TCHHL1: variants seen among roughly 807,000 people sequenced by gnomAD.
TCHHL1 encodes trichohyalin like 1, also known as trichohyalin-like protein 1.
TCHHL1 carries 1 observed loss-of-function variant against 3.5 expected under a neutral mutation model. The ratio of observed to expected loss-of-function variants is 0.29; its 90% CI spans 0.10 to 1.36. The LOEUF (loss-of-function observed/expected upper bound fraction) is 1.36, where lower values mean the gene tolerates loss of function less well. Ranked by LOEUF, TCHHL1 falls within the 40% of genes most tolerant of loss-of-function variation. The pLI is 0.43. For synonymous variants in TCHHL1, 405 were observed against 375.3 expected (o/e 1.08, Z -0.92); for missense variants, 1,027 against 1,032.8 (o/e 0.99, Z 0.08).
chr1:152,087,308 G>T lies in TCHHL1; in HGVS notation c.374C>A (p.Thr125Asn). The change falls in exon 3 of 3, where the codon ACT (threonine) becomes AAT (asparagine). Residue 125 changes from threonine (T) to asparagine (N), a missense_variant. By Grantham distance (65) the Thr-to-Asn change is moderately conservative (BLOSUM62 0). Coordinates refer to ENST00000368806, the MANE Select transcript of TCHHL1 (RefSeq NM_001008536.2). ...CATCCTCTTTTCTTGAGTTGGTGAA[G>T]TTCCCACTGTCCACTGACCATCTCC... Reference protein sequence around the residue: ...TTGDGQWTVGTSPTQEKRMLP... With the variant: ...TTGDGQWTVGNSPTQEKRMLP... 6.2e-7 allele frequency: 1 copy of T among 1,613,928 alleles called. No individual in the cohort carries two copies. The highest frequency in any genetic ancestry group is 8.5e-7 in the Non-Finnish European group (1 of 1,179,978).
rs1657681318 is a variant in TCHHL1 at position 152,084,639 on chromosome 1, A to G, written c.*328T>C. Reference sequence around the variant, plus strand: ...TTCCTACTGCTCTATTTTAAATTCAATGAATCAGTTGGAAAAACTGGCACC... The same window carrying G: ...TTCCTACTGCTCTATTTTAAATTCAGTGAATCAGTTGGAAAAACTGGCACC... On this transcript the variant is annotated 3_prime_UTR_variant, in exon 3 of 3. Coordinates refer to ENST00000368806, the MANE Select transcript of TCHHL1 (RefSeq NM_001008536.2). 1 of 227,480 alleles carries G rather than the reference A, an allele frequency of 4.4e-6. No homozygotes were observed. The allele number at this position is 227,480 out of a possible 1,614,324, so 14.1% of individuals were successfully genotyped here.
chr1:152,086,101 C>T lies in TCHHL1; in HGVS notation c.1581G>A (p.Glu527=). ...TKTHDQPVEE[E]DGYQGEDPES... Reference sequence around the variant, plus strand: ...CAGGGTCCTCCCCCTGGTAACCATCCTCCTCCTCAACTGGTTGGTCATGAG... The same window carrying T: ...CAGGGTCCTCCCCCTGGTAACCATCTTCCTCCTCAACTGGTTGGTCATGAG... Residue 527 remains glutamate, a synonymous_variant, in exon 3 of 3, where the codon GAG becomes GAA. Coordinates refer to ENST00000368806, the MANE Select transcript of TCHHL1 (RefSeq NM_001008536.2). 6.2e-7 allele frequency: 1 copy of T among 1,614,158 alleles called. No individual in the cohort carries two copies. The highest frequency in any genetic ancestry group is 8.5e-7 in the Non-Finnish European group (1 of 1,180,030).
At position 152,086,023 on chromosome 1, in the gene TCHHL1, C is replaced by T; in HGVS notation, c.1659G>A (p.Leu553=). The change falls in exon 3 of 3, where the codon CTG becomes CTA. Residue 553 remains leucine, a synonymous_variant. Coordinates refer to ENST00000368806, the MANE Select transcript of TCHHL1 (RefSeq NM_001008536.2). Reference sequence around the variant, plus strand: ...AGCTGCTATTGCCTTCCTCTGAAGCCAGGCTGTTGGGAGTTTCAGAAGACC... The same window carrying T: ...AGCTGCTATTGCCTTCCTCTGAAGCTAGGCTGTTGGGAGTTTCAGAAGACC... The part of the protein sequence containing the change: ...DEGSSETPNS[L]ASEEGNSSSE... The T allele has an allele frequency of 2.5e-6, 4 of 1,614,196 alleles. No homozygotes were observed. The South Asian group carries it at 4.4e-5, about 18-fold the overall frequency.
chr1:152,086,611 G>T lies in TCHHL1; in HGVS notation c.1071C>A (p.Gly357=), dbSNP rs1360670397. 5.0e-6 allele frequency: 8 copies of T among 1,614,048 alleles called. No homozygotes were observed. The highest frequency in any genetic ancestry group is 6.8e-6 in the Non-Finnish European group (8 of 1,180,010). ...CTTTTTCTTGGGTCTCAGATGTTCT[G>T]CCATAATCCTCAGGTTCACCCAAAT... ...TKNLGEPEDY[G]RTSETQEKEC... is the part of the protein sequence containing the mutation. The change falls in exon 3 of 3, where the codon GGC becomes GGA. Residue 357 remains glycine (G), a synonymous_variant. Transcript: ENST00000368806.
Position 152,085,779 on chromosome 1 carries a change from TC to T in TCHHL1, c.1902del (p.Asn635IlefsTer36), listed in dbSNP as rs1234875471. On this transcript the variant is annotated frameshift_variant, in exon 3 of 3. Coordinates refer to ENST00000368806, the MANE Select transcript of TCHHL1 (RefSeq NM_001008536.2). LOFTEE classifies it low-confidence loss of function (END_TRUNC). Reference sequence around the variant, plus strand: ...GGGCCTTTGGTCCCTGGGCCTTGATTCTTGTGTTCTCCTCTGGCAGGCTGTT... The same window carrying T: ...GGGCCTTTGGTCCCTGGGCCTTGATTTTGTGTTCTCCTCTGGCAGGCTGTT... ...DQEQPARGEH[K>X]NQGPGTKGPG... 6.2e-7 allele frequency: 1 copy of T among 1,614,072 alleles called. No individual in the cohort carries two copies. Among genetic ancestry groups the T allele is most frequent in the Admixed American group, 1.7e-5 (1 of 60,010 alleles).
In TCHHL1 at chr1:152,087,154, A is replaced by G. The variant is rs748283072; in HGVS notation, c.528T>C (p.Asn176=). 1.1e-5 allele frequency: 18 copies of G among 1,614,002 alleles called. No individual in the cohort carries two copies. Among genetic ancestry groups the G allele is most frequent in the Non-Finnish European group, 1.4e-5 (16 of 1,180,032 alleles). The change falls in exon 3 of 3, where the codon AAT becomes AAC. Residue 176 remains asparagine (N), a synonymous_variant. Coordinates refer to ENST00000368806, the MANE Select transcript of TCHHL1 (RefSeq NM_001008536.2). The part of the protein sequence containing the change: ...HNFPGEASEH[N]DPKNKHLEGD... ...CTTCCAGGTGTTTGTTCTTAGGATC[A>G]TTGTGTTCAGATGCTTCTCCTGGAA... is the stretch of plus-strand genomic sequence containing the variant.
At position 152,085,667 on chromosome 1, in the gene TCHHL1, A is replaced by G; in HGVS notation, c.2015T>C (p.Ile672Thr). The part of the protein sequence containing the change: ...DENRKSLEIE[I>T]TGALDEDFTD... ...GAAGTCTTCATCCAGGGCACCTGTG[A>G]TCTCTATTTCCAGGGACTTTCTATT... Residue 672 changes from isoleucine (I) to threonine (T), a missense_variant, in exon 3 of 3, where the codon ATC (isoleucine) becomes ACC (threonine). By Grantham distance (89) the Ile-to-Thr change is moderately conservative. Around this residue, in one of 3 missense-constraint regions of TCHHL1, gnomAD observed 673 missense variants for 658.6 expected, o/e 1.02. Transcript: ENST00000368806. 6.2e-7 allele frequency: 1 copy of G among 1,614,040 alleles called. No individual in the cohort carries two copies. Among genetic ancestry groups the G allele is most frequent in the Non-Finnish European group, 8.5e-7 (1 of 1,180,010 alleles).
chr1:152,086,021 G>A lies in TCHHL1; in HGVS notation c.1661C>T (p.Ala554Val). 1 of 1,614,190 alleles carries A rather than the reference G, an allele frequency of 6.2e-7. No homozygotes were observed. The highest frequency in any genetic ancestry group is 8.5e-7 in the Non-Finnish European group (1 of 1,180,036). ...TGAGCTGCTATTGCCTTCCTCTGAAGCCAGGCTGTTGGGAGTTTCAGAAGA... is the reference window on the plus strand; with the variant it reads ...TGAGCTGCTATTGCCTTCCTCTGAAACCAGGCTGTTGGGAGTTTCAGAAGA... ...EGSSETPNSLASEEGNSSSET... is the reference protein window; with the variant it reads ...EGSSETPNSLVSEEGNSSSET... Residue 554 changes from alanine to valine, a missense_variant, in exon 3 of 3, where the codon GCT (alanine) becomes GTT (valine). Coordinates refer to ENST00000368806, the MANE Select transcript of TCHHL1 (RefSeq NM_001008536.2).
In TCHHL1 at chr1:152,087,413, G is replaced by T. The variant is rs867934698; in HGVS notation, c.269C>A (p.Ser90Ter). 2 of 1,612,112 alleles carry T rather than the reference G, an allele frequency of 1.2e-6. No individual in the cohort carries two copies. Among genetic ancestry groups the T allele is most frequent in the South Asian group, 2.2e-5 (2 of 91,064 alleles). The change falls in exon 3 of 3, where the codon TCA becomes TAA. Residue 90 changes from serine to a stop codon, truncating the protein, a stop_gained. Transcript: ENST00000368806. LOFTEE classifies it low-confidence loss of function (END_TRUNC). ...CTGTCTTAGTTCAGAACTTAGTAAT[G>T]ATTTTATGTCAAGATAACAGAGGTT... is the stretch of plus-strand genomic sequence containing the variant. ...LLNLCYLDIKSLLSSELRQVT... is the reference protein window; with the variant it reads ...LLNLCYLDIK
Position 152,086,318 on chromosome 1 carries a change from G to T in TCHHL1, c.1364C>A (p.Thr455Asn). ...QYLSSEGGDQ[T>N]HPELEGTAVS... is the part of the protein sequence containing the mutation. ...TGCTGTTCCTTCAAGTTCAGGGTGA[G>T]TCTGATCTCCTCCTTCTGAGCTTAG... is the stretch of plus-strand genomic sequence containing the variant. The change falls in exon 3 of 3, where the codon ACT becomes AAT. Residue 455 changes from threonine (T) to asparagine (N), a missense_variant. By Grantham distance (65) the Thr-to-Asn change is moderately conservative (BLOSUM62 0). Coordinates refer to ENST00000368806, the MANE Select transcript of TCHHL1 (RefSeq NM_001008536.2). 6.2e-7 allele frequency: 1 copy of T among 1,614,148 alleles called. No individual in the cohort carries two copies.
In TCHHL1 at chr1:152,087,498, T is replaced by A. The variant is rs531643090; in HGVS notation, c.184A>T (p.Ile62Phe). 1 of 1,600,572 alleles carries A rather than the reference T, an allele frequency of 6.2e-7. No homozygotes were observed. Among genetic ancestry groups the A allele is most frequent in the East Asian group, 2.2e-5 (1 of 44,878 alleles). ...AAACTGATGATGCCATTACTGTCAA[T>A]ATTCAGAAGATTTGAATTTTTTTCC... ...AVEKNSNLLN[I>F]DSNGIISFDE... Residue 62 changes from isoleucine (I) to phenylalanine (F), a missense_variant, in exon 3 of 3, where the codon ATT (isoleucine) becomes TTT (phenylalanine). By Grantham distance (21) the Ile-to-Phe change is conservative. Around this residue, in one of 3 missense-constraint regions of TCHHL1, gnomAD observed 338 missense variants for 335.9 expected, o/e 1.01. Coordinates refer to ENST00000368806, the MANE Select transcript of TCHHL1 (RefSeq NM_001008536.2).
chr1:152,088,307 G>A, intron 1 of TCHHL1, 144 bp from the exon 2 acceptor site: 3 of 667,448 alleles, frequency 4.5e-6, no homozygotes, highest in South Asian at 4.3e-5. Flanking sequence ...CTGAACTCCA[G>A]GGGTGATTTA....
chr1:152,086,410 C>A lies in TCHHL1; in HGVS notation c.1272G>T (p.Gly424=). ...PLVLETQTQD[G]KYQELQGLSK... is the part of the protein sequence containing the mutation. ...ATAATCCTTGGAGTTCCTGATACTT[C>A]CCATCCTGTGTTTGGGTTTCCAGGA... Residue 424 remains glycine, a synonymous_variant, in exon 3 of 3, where the codon GGG becomes GGT. Coordinates refer to ENST00000368806, the MANE Select transcript of TCHHL1 (RefSeq NM_001008536.2). 6.2e-7 allele frequency: 1 copy of A among 1,614,122 alleles called. No homozygotes were observed. Among genetic ancestry groups the A allele is most frequent in the Non-Finnish European group, 8.5e-7 (1 of 1,180,002 alleles).
At position 152,086,252 on chromosome 1, in the gene TCHHL1, G is replaced by T; in HGVS notation, c.1430C>A (p.Ala477Glu). 1 of 1,614,184 alleles carries T rather than the reference G, an allele frequency of 6.2e-7. No individual in the cohort carries two copies. The highest frequency in any genetic ancestry group is 1.1e-5 in the South Asian group (1 of 91,080). The change falls in exon 3 of 3, where the codon GCA (alanine) becomes GAA (glutamate). Residue 477 changes from alanine (A) to glutamate (E), a missense_variant. By Grantham distance (107) the Ala-to-Glu change is moderately radical. This residue lies in a region of TCHHL1 where 673 missense variants were observed against 658.6 expected (regional missense o/e 1.02). Transcript: ENST00000368806. ...GTTTTTGCTGTTCACAAATGCTTCTGCTGTGCCTTCTTTGGTGTGTTCTGC... is the reference window on the plus strand; with the variant it reads ...GTTTTTGCTGTTCACAAATGCTTCTTCTGTGCCTTCTTTGGTGTGTTCTGC... ...EEAEHTKEGT[A>E]EAFVNSKNAP...
rs774597573 is a variant in TCHHL1, at chr1:152,085,677, C to G, written c.2005G>C (p.Glu669Gln). 34 of 1,614,052 alleles carry G rather than the reference C, an allele frequency of 2.1e-5. No homozygotes were observed. The East Asian group carries it at 6.9e-4, about 33-fold the overall frequency. Residue 669 changes from glutamate to glutamine, a missense_variant, in exon 3 of 3, where the codon GAA becomes CAA. Glu to Gln is a conservative substitution (Grantham distance 29, BLOSUM62 2). Around this residue, in one of 3 missense-constraint regions of TCHHL1, gnomAD observed 673 missense variants for 658.6 expected, o/e 1.02. Transcript: ENST00000368806. ...TCCAGGGCACCTGTGATCTCTATTT[C>G]CAGGGACTTTCTATTTTCATCTCCT... ...TAGDENRKSL[E>Q]IEITGALDED...
intron 1 of TCHHL1, among the ~76,000 whole-genome samples, chr1:152,088,374 G>C (rs1322736891): frequency 2.0e-5 from 3 of 152,156 alleles, no homozygotes; most frequent in African/African-American, 7.2e-5. Flanking sequence ...TATTAGAAGA[G>C]ACAATTCACC....
In TCHHL1 at chr1:152,085,628, G is replaced by A. The variant is rs868196788; in HGVS notation, c.2054C>T (p.Ser685Phe). 1 of 1,614,174 alleles carries A rather than the reference G, an allele frequency of 6.2e-7. No individual in the cohort carries two copies. Among genetic ancestry groups the A allele is most frequent in the South Asian group, 1.1e-5 (1 of 91,078 alleles). ...TCCCTTTCCAGGGAGCTGCATTAGG[G>A]AAAGCTGGTCAGTGAAGTCTTCATC... is the stretch of plus-strand genomic sequence containing the variant. ...ALDEDFTDQL[S>F]LMQLPGKGDS... is the part of the protein sequence containing the mutation. Residue 685 changes from serine (S) to phenylalanine (F), a missense_variant, in exon 3 of 3, where the codon TCC becomes TTC. Ser to Phe is a radical substitution (Grantham distance 155, BLOSUM62 -2). Coordinates refer to ENST00000368806, the MANE Select transcript of TCHHL1 (RefSeq NM_001008536.2).
At position 152,087,219 on chromosome 1, in the gene TCHHL1, T is replaced by C; in HGVS notation, c.463A>G (p.Asn155Asp). 6.2e-7 allele frequency: 1 copy of C among 1,614,146 alleles called. No individual in the cohort carries two copies. The highest frequency in any genetic ancestry group is 8.5e-7 in the Non-Finnish European group (1 of 1,179,982). ...GCTTCTCTCCATGGGTCCACTCTGT[T>C]ATTTCCAACTGCTCCACTTTCTTCA... is the stretch of plus-strand genomic sequence containing the variant. ...IPEESGAVGN[N>D]RVDPWREAKT... The change falls in exon 3 of 3, where the codon AAC becomes GAC. Residue 155 changes from asparagine (N) to aspartate (D), a missense_variant. Asn to Asp is a conservative substitution (Grantham distance 23, BLOSUM62 1). Coordinates refer to ENST00000368806, the MANE Select transcript of TCHHL1 (RefSeq NM_001008536.2).
In TCHHL1 at chr1:152,086,440, T is replaced by G. The variant is rs759139555; in HGVS notation, c.1242A>C (p.Pro414=). The stretch of plus-strand genomic sequence containing the variant: ...CCTGTGTTTGGGTTTCCAGGACTAG[T>G]GGCCGAGTTTTTCTGTCACGTTCTT... ...GQKERDRKTR[P]LVLETQTQDG... The change falls in exon 3 of 3, where the codon CCA becomes CCC. Residue 414 remains proline, a synonymous_variant. Coordinates refer to ENST00000368806, the MANE Select transcript of TCHHL1 (RefSeq NM_001008536.2). 1.2e-6 allele frequency: 2 copies of G among 1,614,142 alleles called. No homozygotes were observed. Among genetic ancestry groups the G allele is most frequent in the Admixed American group, 3.3e-5 (2 of 60,020 alleles).
Sources: gnomAD v4.1 joint callset for allele counts (sites outside exome capture counted in the v4.1 genomes callset) on GRCh38, gnomAD v4.1.1 for gene constraint, gnomAD v4.1.1 regional missense constraint, MANE v1.5 for transcripts, NCBI Gene and HGNC (gene_info 2026-07-23, HGNC 2026-07-21) for gene names.